Variants in SKAP1 observed in about 807,000 individuals in gnomAD.
The protein encoded by SKAP1 is src kinase-associated phosphoprotein 1.
In SKAP1, 44 loss-of-function variants were observed where a neutral mutation model predicts 58.5. That is an observed-to-expected ratio of 0.75 (90% CI 0.59 to 0.97). The LOEUF is 0.97. Among genes scored for constraint, SKAP1 ranks in the 50% least tolerant of loss-of-function variants. The probability of loss-of-function intolerance (pLI) is 0.00; values close to 1 mark genes in which losing one functional copy is unlikely to be tolerated. For synonymous variants in SKAP1, 127 were observed against 149.7 expected (o/e 0.85, Z 1.11); for missense variants, 390 against 435.2 (o/e 0.90, Z 0.92).
At chr17:48,226,382 G>A (rs976250628) in intron 4 of SKAP1, among the ~76,000 whole-genome samples, 13 of 151,762 alleles carry the variant, frequency 8.6e-5, no homozygotes, top group African/African-American at 2.7e-4. Context: ...AATCAGAAAA[G>A]TGACAGTATA....
chr17:48,275,856 C>G (rs757697208), intron 4 of SKAP1, among the ~76,000 whole-genome samples: 3 of 152,094 alleles, frequency 2.0e-5, no homozygotes, highest in African/African-American at 7.2e-5. Flanking sequence ...TTTGGTCAAG[C>G]CTAAATCATG....
intron 4 of SKAP1, chr17:48,204,001 T>A (rs1431509211): frequency 1.3e-5 from 2 of 152,154 alleles, no homozygotes; most frequent in African/African-American, 4.8e-5. Flanking sequence ...GACAGAAAGA[T>A]CTCACCAGTC....
At chr17:48,399,819 A>G (rs1287998499) in intron 1 of SKAP1, among the ~76,000 whole-genome samples, 1 of 151,858 alleles carries the variant, frequency 6.6e-6, no homozygotes, top group Admixed American at 6.6e-5. Context: ...CACTTTCCCC[A>G]CGTTCCTTAG....
At chr17:48,399,499 C>T (rs1372735095) in intron 1 of SKAP1, among the ~76,000 whole-genome samples, 1 of 152,154 alleles carries the variant, frequency 6.6e-6, no homozygotes, top group Admixed American at 6.5e-5. Context: ...GTGGCTCGTG[C>T]CTGTAATCCC....
At chr17:48,220,315 T>C (rs768748630) in intron 4 of SKAP1, among the ~76,000 whole-genome samples, 1 of 152,050 alleles carries the variant, frequency 6.6e-6, no homozygotes, top group Non-Finnish European at 1.5e-5. Context: ...TTACCTACCA[T>C]AGAATGAAAT....
chr17:48,415,737 C>A (rs2067725094), intron 1 of SKAP1, among the ~76,000 whole-genome samples: 1 of 152,152 alleles, frequency 6.6e-6, no homozygotes, highest in Non-Finnish European at 1.5e-5. Flanking sequence ...CTTAGATGGT[C>A]TCTTCCCTAA....
At chr17:48,221,862 T>C (rs2065010101) in intron 4 of SKAP1, among the ~76,000 whole-genome samples, 2 of 152,176 alleles carry the variant, frequency 1.3e-5, no homozygotes, top group Non-Finnish European at 2.9e-5. Flanking sequence ...TGCCCTAAAC[T>C]CACTTATCAA....
At chr17:48,391,784 CTTTT>C (rs35958466) in intron 2 of SKAP1, among the ~76,000 whole-genome samples, 1 of 130,862 alleles carries the variant, frequency 7.6e-6, no homozygotes, top group African/African-American at 2.8e-5. Context: ...CTACCTCTTC[CTTTT>C]TTTTTTTTTT....
intron 11 of SKAP1, among the ~76,000 whole-genome samples, chr17:48,140,683 G>T (rs1448614964): frequency 2.0e-5 from 3 of 152,070 alleles, no homozygotes; most frequent in Middle Eastern, 3.4e-3. Context: ...CTATCTCAGT[G>T]AGTTGTACTA....
At chr17:48,225,991 G>T (rs1159498696) in intron 4 of SKAP1, among the ~76,000 whole-genome samples, 2 of 152,216 alleles carry the variant, frequency 1.3e-5, no homozygotes, top group African/African-American at 2.4e-5. Flanking sequence ...TAACAAGGCG[G>T]TTAGTACAAC....
intron 1 of SKAP1, among the ~76,000 whole-genome samples, chr17:48,418,963 T>C (rs552162356): frequency 6.6e-6 from 1 of 152,284 alleles, no homozygotes; most frequent in African/African-American, 2.4e-5. Flanking sequence ...TAAGGTATCT[T>C]GATCTGGGGA....
At chr17:48,404,501 A>C (rs941867762) in intron 1 of SKAP1, among the ~76,000 whole-genome samples, 2 of 152,152 alleles carry the variant, frequency 1.3e-5, no homozygotes, top group East Asian at 3.8e-4. Flanking sequence ...TAAAAAATGT[A>C]AAAATAGTCT....
intron 4 of SKAP1, among the ~76,000 whole-genome samples, chr17:48,312,148 G>T (rs565215824): frequency 2.3e-4 from 35 of 152,300 alleles, no homozygotes; most frequent in Admixed American, 2.0e-3. Context: ...CAGTGCATGT[G>T]TGGTTACATG....
At chr17:48,442,854 A>G in the SKAP1 span, among the ~76,000 whole-genome samples, 1 of 152,106 alleles carries the variant, frequency 6.6e-6, no homozygotes, top group Admixed American at 6.5e-5. Context: ...AAATCTGCCC[A>G]TGCCTCTTTC....
intron 1 of SKAP1, among the ~76,000 whole-genome samples, chr17:48,408,794 G>C (rs553665283): frequency 6.6e-6 from 1 of 152,310 alleles, no homozygotes; most frequent in African/African-American, 2.4e-5. Flanking sequence ...ACTAAGGAAA[G>C]AAACTGTAGA....
chr17:48,285,741 T>C (rs1236152612), intron 4 of SKAP1, among the ~76,000 whole-genome samples: 1 of 152,204 alleles, frequency 6.6e-6, no homozygotes, highest in East Asian at 1.9e-4. Flanking sequence ...ATAACAGCCA[T>C]TATGTGCAAT....
At chr17:48,397,003 T>C (rs538193709) in intron 1 of SKAP1, 10 of 199,292 alleles carry the variant, frequency 5.0e-5, no homozygotes, top group Admixed American at 6.5e-5. Flanking sequence ...TTTATAATAG[T>C]TAAGATGGTA....
intron 4 of SKAP1, among the ~76,000 whole-genome samples, chr17:48,264,745 AACACACACAC>A (rs55733017): frequency 1.2e-4 from 17 of 142,854 alleles, no homozygotes; most frequent in African/African-American, 2.8e-4. Context: ...AAATCTACAA[AACACACACAC>A]ACACACACAC....
At chr17:48,401,357 C>T (rs1260319547) in intron 1 of SKAP1, among the ~76,000 whole-genome samples, 1 of 151,658 alleles carries the variant, frequency 6.6e-6, no homozygotes, top group East Asian at 1.9e-4. Flanking sequence ...GGAGGACTCA[C>T]ACTTTCTGAC....
Sources: gnomAD v4.1 joint callset for allele counts (sites outside exome capture counted in the v4.1 genomes callset) on GRCh38, gnomAD v4.1.1 for gene constraint, MANE v1.5 for transcripts, NCBI Gene and HGNC (gene_info 2026-07-23, HGNC 2026-07-21) for gene names.